The following MOB3B variants were observed in gnomAD, a reference collection of about 807,000 sequenced individuals.
The protein encoded by MOB3B is MOB kinase activator 3B, also known as MOB kinase activator-like 2B.
In MOB3B, 7 loss-of-function variants were observed where a neutral mutation model predicts 18.7. That is an observed-to-expected ratio of 0.37 (90% confidence interval 0.21 to 0.70). The LOEUF is 0.70. MOB3B is among the 30% of genes least tolerant of loss of function. The pLI is 0.52. For synonymous variants in MOB3B, 111 were observed against 99.9 expected (o/e 1.11, Z -0.66); for missense variants, 253 against 281.3 (o/e 0.90, Z 0.72).
intron 2 of MOB3B, among the ~76,000 whole-genome samples, chr9:27,369,411 C>G (rs1821382781): frequency 6.6e-6 from 1 of 152,234 alleles, no homozygotes; most frequent in Admixed American, 6.5e-5. Context: ...CCTAGCTCAC[C>G]TCCTGCCTAG....
intron 3 of MOB3B, among the ~76,000 whole-genome samples, chr9:27,331,127 G>C (rs1037083578): frequency 1.3e-5 from 2 of 152,174 alleles, no homozygotes; most frequent in Non-Finnish European, 2.9e-5. Context: ...AAGCAGGAAG[G>C]AGGACATTTT....
intron 1 of MOB3B, among the ~76,000 whole-genome samples, chr9:27,523,464 C>CAAAAAAAAAAAAAAAAAAAA (rs55637136): frequency 4.2e-5 from 6 of 141,678 alleles, no homozygotes; most frequent in South Asian, 2.3e-4. Flanking sequence ...TAAACTGCAC[C>CAAAAAAAAAAAAAAAAAAAA]AAAAAAAAAA....
rs1237845103 is a variant in MOB3B at position 27,357,129 on chromosome 9, T to C, written c.621+1905A>G. Among the ~76,000 whole-genome samples the C allele has an allele frequency of 9.6e-4, 79 of 81,872 alleles. 2 individuals carry two copies. The highest frequency in any genetic ancestry group is 1.7e-3 in the Non-Finnish European group (71 of 41,278). 53.7% of individuals were successfully genotyped at this position (81,872 alleles called of 152,430 possible). ...GACTACTGAGTAATGCAAATATATA[T>C]ATATATATATATATATGTGTTTTTT... On this transcript the variant is annotated intron_variant, in intron 3 of 3. Transcript: ENST00000262244.
intron 1 of MOB3B, among the ~76,000 whole-genome samples, chr9:27,466,658 G>A (rs1015329793): frequency 6.6e-6 from 1 of 152,136 alleles, no homozygotes; most frequent in African/African-American, 2.4e-5. Context: ...GAATCATAGT[G>A]GGAGGCAGAA....
intron 3 of MOB3B, among the ~76,000 whole-genome samples, chr9:27,331,748 G>C (rs1820793413): frequency 6.6e-6 from 1 of 152,160 alleles, no homozygotes; most frequent in African/African-American, 2.4e-5. Context: ...AGTTCTACCT[G>C]CTGCAGAGCT....
At chr9:27,458,592 C>A (rs373562888) in intron 1 of MOB3B, among the ~76,000 whole-genome samples, 1 of 135,510 alleles carries the variant, frequency 7.4e-6, no homozygotes, top group Non-Finnish European at 1.6e-5. Context: ...ATGATCATGC[C>A]ACTGCTGGAG....
At chr9:27,506,615 T>A (rs1043491082) in intron 1 of MOB3B, among the ~76,000 whole-genome samples, 1 of 151,988 alleles carries the variant, frequency 6.6e-6, no homozygotes. Flanking sequence ...CACTGCAACT[T>A]CCGCCTCCTG....
intron 2 of MOB3B, among the ~76,000 whole-genome samples, chr9:27,425,572 G>A (rs1381096527): frequency 6.6e-6 from 1 of 152,138 alleles, no homozygotes; most frequent in Admixed American, 6.5e-5. Context: ...AAACATGAAT[G>A]TTCATATTAA....
intron 2 of MOB3B, chr9:27,421,694 C>G (rs148245085): frequency 6.6e-6 from 1 of 152,568 alleles, no homozygotes; most frequent in African/African-American, 2.4e-5. Flanking sequence ...CACACTCCAG[C>G]TGCACTGGCC....
At chr9:27,526,231 C>T (rs1297298365) in intron 1 of MOB3B, 5 of 152,184 alleles carry the variant, frequency 3.3e-5, no homozygotes, top group Non-Finnish European at 7.3e-5. Context: ...AGGCAAATTT[C>T]AGCCAAGAAG....
At chr9:27,429,475 T>G (rs1461201221) in intron 2 of MOB3B, among the ~76,000 whole-genome samples, 1 of 152,200 alleles carries the variant, frequency 6.6e-6, no homozygotes, top group East Asian at 1.9e-4. Flanking sequence ...CTAATCACAC[T>G]CAGAGCAATT....
chr9:27,363,393 C>G (rs1032007830), intron 2 of MOB3B, among the ~76,000 whole-genome samples: 2 of 152,098 alleles, frequency 1.3e-5, no homozygotes, highest in African/African-American at 2.4e-5. Flanking sequence ...CTCAGCCTCC[C>G]AAGTAGCTGG....
chr9:27,507,166 T>C (rs1471508464), intron 1 of MOB3B, among the ~76,000 whole-genome samples: 2 of 152,196 alleles, frequency 1.3e-5, no homozygotes, highest in Non-Finnish European at 2.9e-5. Flanking sequence ...ATTCCTCTTT[T>C]GCTGATATAG....
chr9:27,523,926 C>T (rs1331439968), intron 1 of MOB3B, among the ~76,000 whole-genome samples: 1 of 152,006 alleles, frequency 6.6e-6, no homozygotes, highest in Non-Finnish European at 1.5e-5. Flanking sequence ...CATGAAGGAT[C>T]ACTCCCTCTT....
At chr9:27,343,700 C>CTTT (rs58115889) in intron 3 of MOB3B, among the ~76,000 whole-genome samples, 2,245 of 123,896 alleles carry the variant, frequency 0.018, 89 homozygotes, top group African/African-American at 0.067. Context: ...GAATTTTAGC[C>CTTT]TTTTTTTTTT....
chr9:27,440,671 T>G (rs146082696), intron 2 of MOB3B, among the ~76,000 whole-genome samples: 79 of 152,330 alleles, frequency 5.2e-4, no homozygotes, highest in African/African-American at 1.9e-3. Context: ...GTTACGCATC[T>G]AGTCTGAATT....
intron 3 of MOB3B, among the ~76,000 whole-genome samples, chr9:27,357,134 A>ATG (rs1366559354): frequency 4.7e-5 from 4 of 84,764 alleles, no homozygotes; most frequent in Non-Finnish European, 4.7e-5. Context: ...ATATATATAT[A>ATG]TATATATATA....
intron 1 of MOB3B, among the ~76,000 whole-genome samples, chr9:27,505,450 T>G (rs1277885718): frequency 6.6e-6 from 1 of 152,248 alleles, no homozygotes; most frequent in African/African-American, 2.4e-5. Context: ...CTCTCCTTCT[T>G]GGACACTCAC....
chr9:27,461,867 A>ACTT (rs1311887822), intron 1 of MOB3B, among the ~76,000 whole-genome samples: 4 of 152,222 alleles, frequency 2.6e-5, no homozygotes, highest in Non-Finnish European at 5.9e-5. Context: ...AGAAGAGGAC[A>ACTT]CTTAGTGGTG....
Sources: gnomAD v4.1 joint callset for allele counts (sites outside exome capture counted in the v4.1 genomes callset) on GRCh38, gnomAD v4.1.1 for gene constraint, MANE v1.5 for transcripts, NCBI Gene and HGNC (gene_info 2026-07-23, HGNC 2026-07-21) for gene names.